ATM: variants seen among roughly 807,000 people sequenced by gnomAD.
ATM encodes the protein ATM serine/threonine kinase, also known as serine-protein kinase ATM.
A neutral mutation model predicts 387.0 loss-of-function variants in ATM; 308 were observed. The observed-to-expected ratio is 0.80, with a 90% confidence interval of 0.73 to 0.87. The LOEUF (loss-of-function observed/expected upper bound fraction) is 0.87. Ranked by LOEUF, ATM falls within the 40% of genes least tolerant of loss-of-function variation. The pLI is 0.00. For missense variants in ATM, 3,312 were observed against 3,560.9 expected (o/e 0.93, Z 1.78); for synonymous variants, 1,156 against 1,187.3 (o/e 0.97, Z 0.54).
At chr11:108,292,858 A>G (rs1369706366) in intron 30 of ATM, 65 bp downstream of exon 30, 3 of 1,562,274 alleles carry the variant, frequency 1.9e-6, no homozygotes, top group Non-Finnish European at 2.6e-6. Flanking sequence ...GAAGGATTTG[A>G]GTGTTTTATG....
intron 5 of ATM, 95 bp from the exon 6 acceptor site, chr11:108,243,858 T>C: frequency 8.6e-7 from 1 of 1,160,780 alleles, no homozygotes; most frequent in South Asian, 1.5e-5. Flanking sequence ...ATCCTTTTTC[T>C]GTATGGGATT....
At chr11:108,278,480 T>G (rs141379009) in intron 22 of ATM, among the ~76,000 whole-genome samples, 2,524 of 152,296 alleles carry the variant, frequency 0.017, 29 homozygotes, top group Non-Finnish European at 0.027. Flanking sequence ...TTTTTTTTAA[T>G]TTTACACTTG....
At chr11:108,297,442 G>A (rs2083187847) in intron 33 of ATM, 60 bp downstream of exon 33, 1 of 1,305,062 alleles carries the variant, frequency 7.7e-7, no homozygotes, top group Non-Finnish European at 1.1e-6. Context: ...ATATAGGACA[G>A]ATTATAATAC....
At chr11:108,308,163 G>A in intron 38 of ATM, 179 bp downstream of exon 38, 6 of 657,600 alleles carry the variant, frequency 9.1e-6, no homozygotes, top group Non-Finnish European at 1.6e-5. Context: ...GGTTAAATCA[G>A]TGTCAAGAAC....
At chr11:108,284,199 C>T (rs1181145159) in intron 25 of ATM, 28 bp from the exon 26 acceptor site, 1 of 1,527,132 alleles carries the variant, frequency 6.5e-7, no homozygotes, top group Non-Finnish European at 8.9e-7. Context: ...TTATATATAA[C>T]CTGTATTTTA....
chr11:108,319,631 G>A (rs181855628), intron 43 of ATM, among the ~76,000 whole-genome samples: 137 of 152,244 alleles, frequency 9.0e-4, no homozygotes, highest in South Asian at 3.9e-3. Flanking sequence ...AATTCCATGA[G>A]AGTAAAGACC....
intron 16 of ATM, among the ~76,000 whole-genome samples, 172 bp from the exon 17 acceptor site, chr11:108,266,999 T>G (rs2081288505): frequency 6.6e-6 from 1 of 152,086 alleles, no homozygotes; most frequent in Non-Finnish European, 1.5e-5. Flanking sequence ...TTTCACCATG[T>G]TGGCCAGGCT....
chr11:108,335,391 C>T (rs1298305036), intron 55 of ATM: 3 of 864,944 alleles, frequency 3.5e-6, no homozygotes, highest in Middle Eastern at 3.8e-4. Context: ...AAAAAAAATA[C>T]TTTGGTGTCT....
chr11:108,335,454 G>A (rs1241446818), intron 55 of ATM, among the ~76,000 whole-genome samples: 1 of 152,064 alleles, frequency 6.6e-6, no homozygotes, highest in Admixed American at 6.5e-5. Flanking sequence ...TCAGTATACC[G>A]GGTCTCGTAC....
At chr11:108,270,240 A>G (rs1373689778) in intron 18 of ATM, among the ~76,000 whole-genome samples, 1 of 152,204 alleles carries the variant, frequency 6.6e-6, no homozygotes, top group Non-Finnish European at 1.5e-5. Context: ...ATGGGAAGAT[A>G]GGTCAAGGTT....
chr11:108,317,652 T>TATATATATATACAC (rs1399501257), intron 43 of ATM, 131 bp downstream of exon 43: 18 of 118,372 alleles, frequency 1.5e-4, no homozygotes, highest in African/African-American at 5.0e-4. Context: ...TATATATATA[T>TATATATATATACAC]ACACACACAC....
intron 29 of ATM, 63 bp downstream of exon 29, chr11:108,289,864 G>C: frequency 1.3e-6 from 2 of 1,518,612 alleles, no homozygotes; most frequent in Non-Finnish European, 1.8e-6. Flanking sequence ...CTGTTTTTTT[G>C]CTTTGTTTTG....
chr11:108,361,952 T>C (rs1456591430), intron 61 of ATM, among the ~76,000 whole-genome samples: 1 of 138,656 alleles, frequency 7.2e-6, no homozygotes, highest in African/African-American at 2.7e-5. Context: ...ACAAATGGGA[T>C]CTAATTAAAC....
intron 59 of ATM, among the ~76,000 whole-genome samples, chr11:108,349,407 G>A (rs2088895974): frequency 6.6e-6 from 1 of 152,202 alleles, no homozygotes; most frequent in African/African-American, 2.4e-5. Flanking sequence ...GATCACACCT[G>A]TAATCCCAAC....
At chr11:108,277,672 C>T (rs1043291960) in intron 22 of ATM, among the ~76,000 whole-genome samples, 4 of 152,166 alleles carry the variant, frequency 2.6e-5, no homozygotes, top group African/African-American at 9.7e-5. Flanking sequence ...GGTGAGGCTA[C>T]ACCCCACCCT....
At chr11:108,335,311 TATA>T (rs2086716558) in intron 55 of ATM, 2 of 1,472,364 alleles carry the variant, frequency 1.4e-6, no homozygotes, top group African/African-American at 2.8e-5. Flanking sequence ...CAATCATTAT[TATA>T]TGGTTGATTC....
chr11:108,238,674 T>A (rs1009446434), intron 5 of ATM, among the ~76,000 whole-genome samples: 4 of 152,152 alleles, frequency 2.6e-5, no homozygotes, highest in Admixed American at 2.0e-4. Flanking sequence ...TTTCTTTGAA[T>A]GTTCTTTTGG....
At position 108,335,948 on chromosome 11, in the gene ATM, T is replaced by C; in HGVS notation, c.8255T>C (p.Ile2752Thr). Residue 2752 changes from isoleucine to threonine, a missense_variant, in exon 56 of 63, where the codon ATC becomes ACC. Physicochemically the swap from Ile to Thr is moderately conservative, Grantham distance 89 (BLOSUM62 -1). Transcript: ENST00000675843. ...NTETRKRKLT[I>T]CTYKVVPLSQ... ...GAAACTAGGAAGAGGAAATTAACTA[T>C]CTGTACTTATAAGGTAACTATTTGT... is the stretch of plus-strand genomic sequence containing the variant. 6.2e-7 allele frequency: 1 copy of C among 1,609,306 alleles called. No homozygotes were observed. The highest frequency in any genetic ancestry group is 8.5e-7 in the Non-Finnish European group (1 of 1,175,676).
chr11:108,317,555 C>A, intron 43 of ATM, 34 bp downstream of exon 43: 1 of 1,559,832 alleles, frequency 6.4e-7, no homozygotes, highest in South Asian at 1.1e-5. Context: ...TTTTTTTTGC[C>A]TCTCTCCTCA....
Sources: gnomAD v4.1 joint callset for allele counts (sites outside exome capture counted in the v4.1 genomes callset) on GRCh38, gnomAD v4.1.1 for gene constraint, MANE v1.5 for transcripts, NCBI Gene and HGNC (gene_info 2026-07-23, HGNC 2026-07-21) for gene names.